LTBP1: variants seen among roughly 807,000 people sequenced by gnomAD.
LTBP1 encodes the protein latent transforming growth factor beta binding protein 1.
A neutral mutation model predicts 207.6 loss-of-function variants in LTBP1; 129 were observed. The ratio of observed to expected loss-of-function variants is 0.62; its 90% CI spans 0.54 to 0.72. The LOEUF is 0.72. Ranked by LOEUF, LTBP1 falls within the 30% of genes least tolerant of loss-of-function variation. The pLI, the probability that LTBP1 is intolerant of heterozygous loss-of-function variation, is 0.00. For missense variants in LTBP1, 2,281 were observed against 2,217.2 expected (o/e 1.03, Z -0.58); for synonymous variants, 963 against 833.7 (o/e 1.16, Z -2.67).
At chr2:33,059,145 G>T (rs918589901) in intron 3 of LTBP1, among the ~76,000 whole-genome samples, 4 of 152,120 alleles carry the variant, frequency 2.6e-5, no homozygotes, top group African/African-American at 7.2e-5. Flanking sequence ...TTTTTTGCCT[G>T]TGCCCATAAA....
chr2:33,329,822 A>G (rs1435932080), intron 24 of LTBP1, among the ~76,000 whole-genome samples: 1 of 152,026 alleles, frequency 6.6e-6, no homozygotes, highest in African/African-American at 2.4e-5. Flanking sequence ...TGTCAGTTCT[A>G]ACTTCTTCAA....
chr2:33,042,426 G>A (rs74970661), intron 3 of LTBP1, among the ~76,000 whole-genome samples: 74 of 152,300 alleles, frequency 4.9e-4, no homozygotes, highest in Non-Finnish European at 9.1e-4. Flanking sequence ...TTTTGAAACA[G>A]GAGGACAGAG....
intron 31 of LTBP1, among the ~76,000 whole-genome samples, chr2:33,387,278 A>G (rs1339864658): frequency 6.6e-6 from 1 of 152,244 alleles, no homozygotes; most frequent in Non-Finnish European, 1.5e-5. Flanking sequence ...AAACTTGTAA[A>G]CATTTCAGCA....
At chr2:33,263,174 T>C in intron 14 of LTBP1, 120 bp from the exon 15 acceptor site, 1 of 689,596 alleles carries the variant, frequency 1.5e-6, no homozygotes, top group East Asian at 2.5e-5. Flanking sequence ...AGAACAGTTC[T>C]TTATATCTGA....
intron 24 of LTBP1, among the ~76,000 whole-genome samples, chr2:33,326,761 C>A (rs1359108056): frequency 6.6e-6 from 1 of 151,902 alleles, no homozygotes; most frequent in Non-Finnish European, 1.5e-5. Flanking sequence ...TGGGTTCAAG[C>A]GATTCTCCTG....
chr2:33,188,427 C>CAA (rs577171233), intron 6 of LTBP1, 150 bp from the exon 7 acceptor site: 1,299 of 348,788 alleles, frequency 3.7e-3, no homozygotes, highest in East Asian at 4.9e-3. Flanking sequence ...AACTCCATCT[C>CAA]AAAAAAAAAA....
chr2:33,012,915 G>A (rs1687871945), intron 2 of LTBP1, among the ~76,000 whole-genome samples: 1 of 152,182 alleles, frequency 6.6e-6, no homozygotes, highest in South Asian at 2.1e-4. Context: ...TGCTTAAGGA[G>A]TGAATGGCAG....
intron 2 of LTBP1, among the ~76,000 whole-genome samples, chr2:33,012,399 C>T (rs1687795821): frequency 6.6e-6 from 1 of 152,232 alleles, no homozygotes; most frequent in South Asian, 2.1e-4. Context: ...GATTTTCTCT[C>T]AGGCTCGGTA....
rs368736095 is a variant in LTBP1, at chr2:33,275,010, G to T, written c.2789G>T (p.Arg930Leu). 1.9e-6 allele frequency: 3 copies of T among 1,613,994 alleles called. No individual in the cohort carries two copies. The highest frequency in any genetic ancestry group is 3.3e-5 in the Admixed American group (2 of 60,016). Residue 930 changes from arginine (R) to leucine (L), a missense_variant, in exon 17 of 34, where the codon CGC (arginine) becomes CTC (leucine). Physicochemically the swap from Arg to Leu is moderately radical, Grantham distance 102. Transcript: ENST00000404816. ...GTCCAACACCTCTGCTCCCAGGGCC[G>T]CTGTGAAAACACCGAGGGAAGTTTC... ...TQVQHLCSQG[R>L]CENTEGSFLC...
chr2:33,159,813 C>G (rs1396594044), intron 5 of LTBP1, among the ~76,000 whole-genome samples: 1 of 152,204 alleles, frequency 6.6e-6, no homozygotes, highest in Non-Finnish European at 1.5e-5. Flanking sequence ...TTTTCTGCAT[C>G]CCAAGACCAA....
chr2:33,307,362 A>G (rs924470991), intron 22 of LTBP1, among the ~76,000 whole-genome samples: 7 of 152,222 alleles, frequency 4.6e-5, no homozygotes, highest in African/African-American at 9.6e-5. Context: ...CTTATTCACA[A>G]TGGCCCAGAT....
intron 10 of LTBP1, among the ~76,000 whole-genome samples, chr2:33,251,870 A>G (rs2092696859): frequency 6.6e-6 from 1 of 152,102 alleles, no homozygotes; most frequent in African/African-American, 2.4e-5. Context: ...TATTTGCATT[A>G]GAAGATGAAC....
chr2:33,342,835 C>A lies in LTBP1; in HGVS notation c.3731-3C>A, dbSNP rs1396161139. On this transcript the variant is annotated splice_region_variant and splice_polypyrimidine_tract_variant and intron_variant, in intron 24 of 33. Coordinates refer to ENST00000404816, the MANE Select transcript of LTBP1 (RefSeq NM_206943.4). The stretch of plus-strand genomic sequence containing the variant: ...TGTCTGATGTTCCATGTCTTTTTTG[C>A]AGATATTGATGAATGTGTAAACAAC... 6.2e-7 allele frequency: 1 copy of A among 1,610,534 alleles called. No individual in the cohort carries two copies.
intron 2 of LTBP1, among the ~76,000 whole-genome samples, chr2:33,012,600 C>G (rs978961450): frequency 1.3e-5 from 2 of 152,186 alleles, no homozygotes; most frequent in Non-Finnish European, 2.9e-5. Flanking sequence ...TCCTATTGGA[C>G]TCTGATCTAC....
chr2:33,325,701 C>T (rs1294619032), intron 24 of LTBP1, among the ~76,000 whole-genome samples: 1 of 152,132 alleles, frequency 6.6e-6, no homozygotes, highest in East Asian at 1.9e-4. Flanking sequence ...AAGAAATTTA[C>T]AAATGAAGTT....
intron 7 of LTBP1, among the ~76,000 whole-genome samples, chr2:33,193,275 G>T (rs2088123025): frequency 6.6e-6 from 1 of 152,144 alleles, no homozygotes; most frequent in Non-Finnish European, 1.5e-5. Context: ...CCGAGTGGCT[G>T]GAATTACAGG....
chr2:33,235,291 A>T (rs2091987675), intron 9 of LTBP1, among the ~76,000 whole-genome samples: 1 of 152,214 alleles, frequency 6.6e-6, no homozygotes, highest in Non-Finnish European at 1.5e-5. Context: ...GCCAACAAAC[A>T]TGAAAAAAAG....
At chr2:33,135,752 A>G (rs1393435206) in intron 5 of LTBP1, among the ~76,000 whole-genome samples, 1 of 152,252 alleles carries the variant, frequency 6.6e-6, no homozygotes, top group African/African-American at 2.4e-5. Flanking sequence ...TCATGTTGCC[A>G]TGTTGTCATG....
chr2:33,236,826 C>T (rs917283340), intron 9 of LTBP1, among the ~76,000 whole-genome samples: 7 of 152,184 alleles, frequency 4.6e-5, no homozygotes, highest in Non-Finnish European at 7.3e-5. Context: ...TTGCTAGCAG[C>T]GTCGTCCATG....
Sources: allele counts gnomAD v4.1 joint callset (sites outside exome capture counted in the v4.1 genomes callset), GRCh38; gene constraint gnomAD v4.1.1; transcripts MANE v1.5; gene names NCBI Gene and HGNC (gene_info 2026-07-23, HGNC 2026-07-21).